Variants in MAPKAPK5 observed in about 807,000 individuals in gnomAD.
MAPKAPK5 encodes the protein MAP kinase-activated protein kinase 5.
A neutral mutation model predicts 65.1 loss-of-function variants in MAPKAPK5; 30 were observed. That is an observed-to-expected ratio of 0.46 (90% CI 0.34 to 0.63). MAPKAPK5 has a LOEUF of 0.63. MAPKAPK5 is among the 20% of genes least tolerant of loss of function. The probability of loss-of-function intolerance (pLI) is 0.01; values close to 1 mark genes in which losing one functional copy is unlikely to be tolerated. For synonymous variants in MAPKAPK5, 179 were observed against 204.6 expected (o/e 0.87, Z 1.07); for missense variants, 433 against 581.4 (o/e 0.74, Z 2.63).
Position 111,880,337 on chromosome 12 carries a change from G to T in MAPKAPK5, c.580-110G>T, listed in dbSNP as rs2070152493. 3 of 862,336 alleles carry T rather than the reference G, an allele frequency of 3.5e-6. No homozygotes were observed. In the South Asian group the frequency reaches 4.3e-5, roughly 12 times the overall value. 53.4% of individuals were successfully genotyped at this position (862,336 alleles called of 1,614,324 possible). ...GTTTATGTGGAGTTTTTTTTCGATG[G>T]CTGATTGCCAGTTGTTTACCTCCTT... On this transcript the variant is annotated intron_variant, in intron 7 of 13. Transcript: ENST00000550735.
rs1038420477 is a variant in MAPKAPK5, at chr12:111,867,741, A to G, written c.284+72A>G. ...GTGTAGTGGAGCTGTCCTCTCTTTTATGTGCTCCCTCCCCTTCCCTCTCCT... is the reference window on the plus strand; with the variant it reads ...GTGTAGTGGAGCTGTCCTCTCTTTTGTGTGCTCCCTCCCCTTCCCTCTCCT... On this transcript the variant is annotated intron_variant, in intron 4 of 13. Transcript: ENST00000550735. The G allele has an allele frequency of 3.5e-6, 4 of 1,133,600 alleles. No homozygotes were observed. The African/African-American group carries it at 6.1e-5, about 17-fold the overall frequency. 70.2% of individuals were successfully genotyped at this position (1,133,600 alleles called of 1,614,324 possible).
At position 111,888,469 on chromosome 12, in the gene MAPKAPK5, C is replaced by T. The variant is rs762906560; in HGVS notation, c.970-19C>T. 11 of 1,611,348 alleles carry T rather than the reference C, an allele frequency of 6.8e-6. No homozygotes were observed. Among genetic ancestry groups the T allele is most frequent in the African/African-American group, 2.7e-5 (2 of 74,792 alleles). On this transcript the variant is annotated intron_variant, in intron 10 of 13. Coordinates refer to ENST00000550735, the MANE Select transcript of MAPKAPK5 (RefSeq NM_003668.4). ...CCCAGCAATGAATATGAAAAACTGA[C>T]GGCAGTGTTTGCATTCAGGCAGTGG...
At chr12:111,862,322 G>A (rs2069466598) in intron 1 of MAPKAPK5, among the ~76,000 whole-genome samples, 1 of 152,170 alleles carries the variant, frequency 6.6e-6, no homozygotes, top group African/African-American at 2.4e-5. Flanking sequence ...CCTACCTTCT[G>A]CAAAGTTCAG....
At chr12:111,854,681 A>T (rs1397482941) in intron 1 of MAPKAPK5, among the ~76,000 whole-genome samples, 2 of 152,178 alleles carry the variant, frequency 1.3e-5, no homozygotes, top group African/African-American at 4.8e-5. Context: ...ATGGGCAGGG[A>T]TTTTACCTCT....
chr12:111,843,477 G>A, intron 1 of MAPKAPK5: 1 of 389,012 alleles, frequency 2.6e-6, no homozygotes, highest in Non-Finnish European at 4.5e-6. Context: ...CTCAGGGCCA[G>A]TTATCTGTCT....
Position 111,890,140 on chromosome 12 carries a change from G to A in MAPKAPK5, c.1317G>A (p.Trp439Ter). Residue 439 changes from tryptophan to a stop codon, truncating the protein, a stop_gained, in exon 13 of 14, where the codon TGG becomes TGA. Coordinates refer to ENST00000550735, the MANE Select transcript of MAPKAPK5 (RefSeq NM_003668.4). LOFTEE classifies it high-confidence loss of function. ...LLRDTLQSFS[W>*]NGRGFTDKVD... ...GAGATACTCTGCAGAGCTTCAGCTGGAATGGTAGGAGCCTTCATCAACTCC... is the reference window on the plus strand; with the variant it reads ...GAGATACTCTGCAGAGCTTCAGCTGAAATGGTAGGAGCCTTCATCAACTCC... 1 of 1,585,064 alleles carries A rather than the reference G, an allele frequency of 6.3e-7. No homozygotes were observed. The highest frequency in any genetic ancestry group is 8.6e-7 in the Non-Finnish European group (1 of 1,164,818).
Position 111,890,099 on chromosome 12 carries a change from G to C in MAPKAPK5, c.1276G>C (p.Glu426Gln). The stretch of plus-strand genomic sequence containing the variant: ...GCAGGAGGCTTGGAAGTATAACCGG[G>C]AATGCAAACTCCTAAGAGATACTCT... ...VMQEAWKYNR[E>Q]CKLLRDTLQS... Residue 426 changes from glutamate (E) to glutamine (Q), a missense_variant, in exon 13 of 14, where the codon GAA (glutamate) becomes CAA (glutamine). Glu to Gln is a conservative substitution (Grantham distance 29). This residue lies in a region of MAPKAPK5 where 169 missense variants were observed against 215.6 expected (regional missense o/e 0.78). Coordinates refer to ENST00000550735, the MANE Select transcript of MAPKAPK5 (RefSeq NM_003668.4). The C allele has an allele frequency of 1.9e-6, 3 of 1,599,624 alleles. No homozygotes were observed. Among genetic ancestry groups the C allele is most frequent in the Non-Finnish European group, 2.6e-6 (3 of 1,173,394 alleles).
chr12:111,843,208 A>G (rs1272902708), intron 1 of MAPKAPK5: 4 of 398,646 alleles, frequency 1.0e-5, no homozygotes, highest in Non-Finnish European at 1.8e-5. Flanking sequence ...TGCAGTTGGA[A>G]AAAGGTGGTT....
At position 111,842,788 on chromosome 12, in the gene MAPKAPK5, C is replaced by A; in HGVS notation, c.36+19C>A. On this transcript the variant is annotated intron_variant, in intron 1 of 13. Transcript: ENST00000550735. ...CATCAAGGTAAGGGGGAGGTGCCCC[C>A]TCTTCCCCCGCGTTGTCCTGTGGCG... is the stretch of plus-strand genomic sequence containing the variant. The A allele has an allele frequency of 1.5e-6, 2 of 1,316,480 alleles. No individual in the cohort carries two copies. Among genetic ancestry groups the A allele is most frequent in the East Asian group, 2.8e-5 (1 of 35,318 alleles). 81.5% of individuals were successfully genotyped at this position (1,316,480 alleles called of 1,614,324 possible).
At chr12:111,867,797 TC>T (rs1220025522) in intron 4 of MAPKAPK5, 128 bp downstream of exon 4, 1 of 691,248 alleles carries the variant, frequency 1.4e-6, no homozygotes, top group African/African-American at 1.8e-5. Flanking sequence ...CCTCTGCCCT[TC>T]CTTCTCCCCC....
At chr12:111,852,863 T>TC (rs2069128056) in intron 1 of MAPKAPK5, among the ~76,000 whole-genome samples, 2 of 152,120 alleles carry the variant, frequency 1.3e-5, no homozygotes, top group South Asian at 4.1e-4. Flanking sequence ...AACCTCTGCC[T>TC]CCCAGGTTCA....
chr12:111,856,393 T>C (rs1466486991), intron 1 of MAPKAPK5, among the ~76,000 whole-genome samples: 1 of 25,964 alleles, frequency 3.9e-5, no homozygotes, highest in Non-Finnish European at 5.9e-5. Flanking sequence ...TGTCTCCCTC[T>C]TCTTTTTTTT....
At chr12:111,853,109 TA>T (rs889688773) in intron 1 of MAPKAPK5, among the ~76,000 whole-genome samples, 1 of 152,056 alleles carries the variant, frequency 6.6e-6, no homozygotes, top group Non-Finnish European at 1.5e-5. Flanking sequence ...TTCACGCCTG[TA>T]ATCCCAGCAC....
intron 7 of MAPKAPK5, among the ~76,000 whole-genome samples, chr12:111,871,771 G>A (rs1179213460): frequency 1.3e-5 from 2 of 152,112 alleles, no homozygotes; most frequent in Non-Finnish European, 2.9e-5. Context: ...CCCATATGGC[G>A]ACCACCACAT....
intron 1 of MAPKAPK5, among the ~76,000 whole-genome samples, chr12:111,852,529 C>T (rs1161778616): frequency 1.3e-5 from 2 of 152,140 alleles, no homozygotes; most frequent in African/African-American, 4.8e-5. Context: ...TGTTAATTGA[C>T]TTTCTGTTGT....
chr12:111,868,843 C>T lies in MAPKAPK5; in HGVS notation c.375C>T (p.Ala125=), dbSNP rs1198589997. ...ACCGGCACTTTACAGAGAAGCAAGC[C>T]AGCCAAGTAACAAAGCAGGCAAGTT... ...SQHRHFTEKQ[A]SQVTKQIALA... is the part of the protein sequence containing the mutation. The change falls in exon 5 of 14, where the codon GCC becomes GCT. Residue 125 remains alanine, a synonymous_variant. Transcript: ENST00000550735. 6.4e-7 allele frequency: 1 copy of T among 1,560,986 alleles called. No homozygotes were observed. The highest frequency in any genetic ancestry group is 8.7e-7 in the Non-Finnish European group (1 of 1,152,584).
At chr12:111,847,712 A>C (rs1241739701) in intron 1 of MAPKAPK5, among the ~76,000 whole-genome samples, 1 of 152,190 alleles carries the variant, frequency 6.6e-6, no homozygotes, top group African/African-American at 2.4e-5. Flanking sequence ...AGAGGCATGC[A>C]GCCATCATCA....
intron 1 of MAPKAPK5, among the ~76,000 whole-genome samples, chr12:111,853,968 T>C (rs1035990646): frequency 2.6e-5 from 4 of 152,222 alleles, no homozygotes; most frequent in African/African-American, 9.6e-5. Flanking sequence ...TTTTCAGATA[T>C]TAAGCCAATC....
Position 111,883,874 on chromosome 12 carries a change from C to A in MAPKAPK5, c.848+106C>A. On this transcript the variant is annotated intron_variant, in intron 9 of 13. Transcript: ENST00000550735. The surrounding 1 kb of genome is among the most constrained non-coding windows in gnomAD (Gnocchi z 4.8). ...TCACTGGTTTCCTAGGCAGGCTCCT[C>A]CCCGTTTTAATATCACAGAAATCTC... 2 of 1,152,760 alleles carry A rather than the reference C, an allele frequency of 1.7e-6. No homozygotes were observed. Among genetic ancestry groups the A allele is most frequent in the Non-Finnish European group, 1.2e-6 (1 of 830,548 alleles). The allele number at this position is 1,152,760 out of a possible 1,614,324, so 71.4% of individuals were successfully genotyped here. A position where few individuals can be genotyped will look rare whatever the true frequency, so the allele number is the denominator to read the frequency against.
Sources: allele counts gnomAD v4.1 joint callset (sites outside exome capture counted in the v4.1 genomes callset), GRCh38; gene constraint gnomAD v4.1.1; regional missense constraint gnomAD v4.1.1; non-coding constraint Gnocchi (gnomAD v3.1); transcripts MANE v1.5; gene names NCBI Gene and HGNC (gene_info 2026-07-23, HGNC 2026-07-21).